Variants in FAM20A observed in about 807,000 individuals in gnomAD.
FAM20A encodes the protein FAM20A golgi associated secretory pathway pseudokinase, also known as pseudokinase FAM20A.
Under a neutral mutation model 52.0 loss-of-function variants are expected in FAM20A, and 42 were observed. The observed-to-expected ratio is 0.81, with a 90% CI of 0.63 to 1.04. The LOEUF (loss-of-function observed/expected upper bound fraction) is 1.04. FAM20A is among the 50% of genes least tolerant of loss of function. The pLI is 0.00. For missense variants in FAM20A, 742 were observed against 712.7 expected, an observed-to-expected ratio of 1.04 and a Z score of -0.47; for synonymous variants, 304 against 298.9, an observed-to-expected ratio of 1.02 and a Z score of -0.18.
At chr17:68,560,361 G>T (rs995911210) in intron 1 of FAM20A, among the ~76,000 whole-genome samples, 1 of 142,582 alleles carries the variant, frequency 7.0e-6, no homozygotes, top group Non-Finnish European at 1.5e-5. Context: ...AAAAAAAAAA[G>T]AGATTTCGGA....
At position 68,539,236 on chromosome 17, in the gene FAM20A, C is replaced by G; in HGVS notation, c.1361+101G>C. ...TCATGTCATTCTACCCACTTACGTC[C>G]TGGACCAGTGAAAACTGGAAGCCCT... is the stretch of plus-strand genomic sequence containing the variant. On this transcript the variant is annotated intron_variant, in intron 10 of 10. Transcript: ENST00000592554. The G allele has an allele frequency of 2.7e-6, 3 of 1,129,228 alleles. 1 individual carries two copies. The highest frequency in any genetic ancestry group is 1.3e-5 in the South Asian group (1 of 79,198). The allele number at this position is 1,129,228 out of a possible 1,614,324, so 70.0% of individuals were successfully genotyped here. A position where few individuals can be genotyped will look rare whatever the true frequency, so the allele number is the denominator to read the frequency against.
intron 1 of FAM20A, among the ~76,000 whole-genome samples, chr17:68,571,749 T>C (rs1329089867): frequency 6.6e-6 from 1 of 152,040 alleles, no homozygotes; most frequent in East Asian, 1.9e-4. Flanking sequence ...ATTTCTCCTG[T>C]GACACGGAAG....
At chr17:68,572,001 TATATATATATA>T (rs1213243347) in intron 1 of FAM20A, among the ~76,000 whole-genome samples, 3,035 of 88,576 alleles carry the variant, frequency 0.034, 211 homozygotes, top group African/African-American at 0.069. Flanking sequence ...TATATATATA[TATATATATATA>T]TATATATATA....
intron 1 of FAM20A, among the ~76,000 whole-genome samples, chr17:68,567,385 A>G (rs1421186919): frequency 6.6e-6 from 1 of 151,880 alleles, no homozygotes; most frequent in Non-Finnish European, 1.5e-5. Flanking sequence ...ATCTACATTC[A>G]ACATGTTTAA....
intron 10 of FAM20A, among the ~76,000 whole-genome samples, chr17:68,538,153 A>G (rs559421111): frequency 1.3e-5 from 2 of 152,242 alleles, no homozygotes; most frequent in Non-Finnish European, 2.9e-5. Flanking sequence ...GCCAGCCTTT[A>G]AGTTGTTTCT....
intron 4 of FAM20A, among the ~76,000 whole-genome samples, chr17:68,546,776 G>A (rs2086589707): frequency 6.7e-6 from 1 of 148,952 alleles, no homozygotes; most frequent in African/African-American, 2.5e-5. Flanking sequence ...CTTGCAGTGA[G>A]CTGAGATTGA....
intron 2 of FAM20A, 106 bp downstream of exon 2, chr17:68,555,453 C>T: frequency 1.6e-6 from 2 of 1,217,666 alleles, no homozygotes; most frequent in South Asian, 2.4e-5. Flanking sequence ...TCTCAGGTGT[C>T]CATGTCAAGC....
intron 1 of FAM20A, among the ~76,000 whole-genome samples, chr17:68,560,442 A>G (rs188037532): frequency 5.2e-4 from 79 of 152,148 alleles, no homozygotes; most frequent in African/African-American, 1.8e-3. Flanking sequence ...AGGTCCTCAC[A>G]CTAGACACTG....
chr17:68,554,969 G>A, intron 2 of FAM20A, 142 bp from the exon 3 acceptor site: 1 of 814,962 alleles, frequency 1.2e-6, no homozygotes, highest in South Asian at 1.5e-5. Flanking sequence ...TCCGTGGGAG[G>A]TCTCTTGGAG....
intron 1 of FAM20A, among the ~76,000 whole-genome samples, chr17:68,577,727 C>T (rs941651218): frequency 3.3e-5 from 5 of 152,238 alleles, no homozygotes; most frequent in South Asian, 2.1e-4. Flanking sequence ...TCCATAGACG[C>T]GTAAAAGCCT....
At chr17:68,575,719 T>A (rs867101627) in intron 1 of FAM20A, among the ~76,000 whole-genome samples, 25 of 122,512 alleles carry the variant, frequency 2.0e-4, no homozygotes, top group Middle Eastern at 4.0e-3. Context: ...ATTATATATT[T>A]TATATTTTAT....
intron 1 of FAM20A, among the ~76,000 whole-genome samples, chr17:68,573,690 T>C (rs957444108): frequency 1.3e-5 from 2 of 151,878 alleles, no homozygotes; most frequent in African/African-American, 4.8e-5. Context: ...TCTCTTTTTT[T>C]TTCTTTCAAC....
chr17:68,548,702 G>C (rs2086682072), intron 4 of FAM20A, among the ~76,000 whole-genome samples: 1 of 148,186 alleles, frequency 6.7e-6, no homozygotes, highest in Admixed American at 6.7e-5. Flanking sequence ...GTGAAACGCA[G>C]ATACAGCGAG....
At chr17:68,542,927 T>G in intron 5 of FAM20A, 118 bp from the exon 6 acceptor site, 1 of 776,218 alleles carries the variant, frequency 1.3e-6, no homozygotes, top group Non-Finnish European at 2.3e-6. Context: ...GGGTGGCCGG[T>G]GAGGCGTGAC....
intron 1 of FAM20A, chr17:68,557,470 C>T (rs2087086614): frequency 6.6e-6 from 1 of 152,044 alleles, no homozygotes. Flanking sequence ...AGAGAAACCC[C>T]TCACCCCTTC....
At chr17:68,588,495 G>GT (rs2088219925) in intron 1 of FAM20A, among the ~76,000 whole-genome samples, 1 of 152,236 alleles carries the variant, frequency 6.6e-6, no homozygotes, top group Non-Finnish European at 1.5e-5. Flanking sequence ...AGACTAGGTG[G>GT]CTTAAACAAC....
chr17:68,581,453 C>CTTT (rs1438683360), intron 1 of FAM20A, among the ~76,000 whole-genome samples: 2 of 40,780 alleles, frequency 4.9e-5, no homozygotes, highest in Non-Finnish European at 9.3e-5. Context: ...TTTTTCTTTT[C>CTTT]TTTCTTTCCT....
intron 1 of FAM20A, among the ~76,000 whole-genome samples, chr17:68,566,363 AAAGAAGTTGG>A (rs1485525815): frequency 6.6e-6 from 1 of 152,220 alleles, no homozygotes; most frequent in Non-Finnish European, 1.5e-5. Context: ...CTGATTATGG[AAAGAAGTTGG>A]AAGCTCTCCA....
intron 4 of FAM20A, among the ~76,000 whole-genome samples, chr17:68,545,109 G>GA (rs1354055922): frequency 1.3e-5 from 2 of 152,054 alleles, no homozygotes; most frequent in African/African-American, 4.8e-5. Flanking sequence ...ATTACTTACA[G>GA]AAAAATACAA....
Sources: allele counts gnomAD v4.1 joint callset (sites outside exome capture counted in the v4.1 genomes callset), GRCh38; gene constraint gnomAD v4.1.1; transcripts MANE v1.5; gene names NCBI Gene and HGNC (gene_info 2026-07-23, HGNC 2026-07-21).